The following HCN1 variants were observed in gnomAD, a reference collection of about 807,000 sequenced individuals.
HCN1 encodes the protein potassium/sodium hyperpolarization-activated cyclic nucleotide-gated channel 1.
A neutral mutation model predicts 78.9 loss-of-function variants in HCN1; 13 were observed. That is an observed-to-expected ratio of 0.16 (90% CI 0.11 to 0.26). HCN1 has a LOEUF of 0.26. HCN1 is among the 10% of genes least tolerant of loss of function. The pLI, the probability that HCN1 is intolerant of heterozygous loss-of-function variation, is 1.00. For missense variants in HCN1, 810 were observed against 1,154.3 expected (o/e 0.70, Z 4.32); for synonymous variants, 552 against 455.5 (o/e 1.21, Z -2.70).
intron 1 of HCN1, among the ~76,000 whole-genome samples, chr5:45,657,958 G>T (rs1345348946): frequency 2.0e-5 from 3 of 152,146 alleles, no homozygotes; most frequent in Non-Finnish European, 4.4e-5. Context: ...AAAGAACAAA[G>T]CCGGAGGCAT....
At chr5:45,336,574 G>A (rs1412574707) in intron 5 of HCN1, among the ~76,000 whole-genome samples, 1 of 152,008 alleles carries the variant, frequency 6.6e-6, no homozygotes, top group South Asian at 2.1e-4. Flanking sequence ...TTGGACAGGG[G>A]AACTTGAACA....
At chr5:45,305,055 G>T (rs1286658096) in intron 5 of HCN1, among the ~76,000 whole-genome samples, 2 of 152,132 alleles carry the variant, frequency 1.3e-5, no homozygotes, top group African/African-American at 2.4e-5. Context: ...CCCAAAAAAG[G>T]TTGGGACTGC....
intron 3 of HCN1, among the ~76,000 whole-genome samples, chr5:45,400,858 T>C (rs1287160411): frequency 6.6e-6 from 1 of 152,154 alleles, no homozygotes; most frequent in East Asian, 1.9e-4. Flanking sequence ...CACACACACA[T>C]GCACATACAC....
intron 5 of HCN1, among the ~76,000 whole-genome samples, chr5:45,346,352 G>A (rs1746707796): frequency 6.6e-6 from 1 of 152,216 alleles, no homozygotes; most frequent in African/African-American, 2.4e-5. Flanking sequence ...AGAGGGCAAA[G>A]AAGTGTAAGA....
At chr5:45,523,993 G>T (rs1346062757) in intron 2 of HCN1, among the ~76,000 whole-genome samples, 1 of 152,056 alleles carries the variant, frequency 6.6e-6, no homozygotes, top group Non-Finnish European at 1.5e-5. Flanking sequence ...TATGGTTTTA[G>T]GTCTAACATT....
intron 2 of HCN1, among the ~76,000 whole-genome samples, chr5:45,495,537 C>G (rs1464538137): frequency 6.6e-6 from 1 of 152,084 alleles, no homozygotes; most frequent in Non-Finnish European, 1.5e-5. Flanking sequence ...ACAATCACGT[C>G]GTCTGCAAAG....
At chr5:45,491,978 C>T (rs780208861) in intron 2 of HCN1, among the ~76,000 whole-genome samples, 1 of 152,040 alleles carries the variant, frequency 6.6e-6, no homozygotes, top group Non-Finnish European at 1.5e-5. Flanking sequence ...CATGGAAATA[C>T]ATAACCAAGT....
In HCN1 at chr5:45,294,662, G is replaced by T. The variant is rs538832672; in HGVS notation, c.1618+8937C>A. Among the ~76,000 whole-genome samples, 8 of 152,072 alleles carry T rather than the reference G, an allele frequency of 5.3e-5. No individual in the cohort carries two copies. The East Asian group carries it at 1.6e-3, about 30-fold the overall frequency. On this transcript the variant is annotated intron_variant, in intron 6 of 7. Coordinates refer to ENST00000303230, the MANE Select transcript of HCN1 (RefSeq NM_021072.4). ...GTATATTATTTGACATTTTAATATGGTTTGTTAATGGCATTTTACTTAGTG... is the reference window on the plus strand; with the variant it reads ...GTATATTATTTGACATTTTAATATGTTTTGTTAATGGCATTTTACTTAGTG...
At chr5:45,493,427 A>C (rs1741939931) in intron 2 of HCN1, among the ~76,000 whole-genome samples, 1 of 152,036 alleles carries the variant, frequency 6.6e-6, no homozygotes, top group African/African-American at 2.4e-5. Flanking sequence ...TAATAGTTTT[A>C]TATATTCCTT....
intron 5 of HCN1, among the ~76,000 whole-genome samples, chr5:45,339,549 T>G (rs1267283989): frequency 6.6e-6 from 1 of 152,110 alleles, no homozygotes; most frequent in Non-Finnish European, 1.5e-5. Flanking sequence ...TGAAGGAGTT[T>G]GGGTGTTTTC....
At chr5:45,356,908 G>A (rs977102523) in intron 4 of HCN1, among the ~76,000 whole-genome samples, 2 of 152,008 alleles carry the variant, frequency 1.3e-5, no homozygotes, top group African/African-American at 4.8e-5. Context: ...AATGGTGTGA[G>A]TATTTGATGA....
At chr5:45,345,991 G>A (rs1746695085) in intron 5 of HCN1, among the ~76,000 whole-genome samples, 1 of 152,228 alleles carries the variant, frequency 6.6e-6, no homozygotes, top group Non-Finnish European at 1.5e-5. Flanking sequence ...TGGCTGGGGA[G>A]GCCTCAAGAA....
intron 2 of HCN1, among the ~76,000 whole-genome samples, chr5:45,630,451 C>T (rs985741614): frequency 5.9e-5 from 9 of 152,152 alleles, no homozygotes; most frequent in African/African-American, 1.9e-4. Context: ...TTTTTAAGAG[C>T]TTAGAATAGC....
chr5:45,443,224 G>T (rs1446054586), intron 3 of HCN1, among the ~76,000 whole-genome samples: 3 of 152,026 alleles, frequency 2.0e-5, no homozygotes, highest in African/African-American at 7.2e-5. Context: ...CACTGGATTG[G>T]ACTGAACCTG....
chr5:45,367,816 A>AAACTTCACAGCAATAATTGAGAGCAGCTG (rs1747266608), intron 4 of HCN1, among the ~76,000 whole-genome samples: 1 of 151,982 alleles, frequency 6.6e-6, no homozygotes, highest in Non-Finnish European at 1.5e-5. Flanking sequence ...GTTTCCAGGT[A>AAACTTCACAGCAATAATTGAGAGCAGCTG]AACTTCACAG....
chr5:45,402,134 A>G (rs779567721), intron 3 of HCN1, among the ~76,000 whole-genome samples: 13 of 152,126 alleles, frequency 8.5e-5, no homozygotes, highest in Non-Finnish European at 1.8e-4. Flanking sequence ...ACAGGAGGGA[A>G]TGAGGAGCAT....
chr5:45,567,874 A>C (rs1163764476), intron 2 of HCN1, among the ~76,000 whole-genome samples: 1 of 149,050 alleles, frequency 6.7e-6, no homozygotes, highest in Admixed American at 6.8e-5. Flanking sequence ...TTGCTTGTAA[A>C]ATGCATAACA....
Position 45,645,619 on chromosome 5 carries a change from T to C in HCN1, c.426-11A>G, listed in dbSNP as rs1745533948. ...AAATCCCAGTAAAACCTACAACAAATAAAAAAATCAGATTTTAAGATATAG... is the reference window on the plus strand; with the variant it reads ...AAATCCCAGTAAAACCTACAACAAACAAAAAAATCAGATTTTAAGATATAG... On this transcript the variant is annotated splice_polypyrimidine_tract_variant and intron_variant, in intron 1 of 7. Coordinates refer to ENST00000303230, the MANE Select transcript of HCN1 (RefSeq NM_021072.4). The C allele has an allele frequency of 5.1e-6, 8 of 1,571,098 alleles. No individual in the cohort carries two copies. The highest frequency in any genetic ancestry group is 6.1e-6 in the Non-Finnish European group (7 of 1,155,086).
intron 5 of HCN1, among the ~76,000 whole-genome samples, chr5:45,341,958 G>C (rs1431424880): frequency 6.6e-6 from 1 of 151,998 alleles, no homozygotes; most frequent in Non-Finnish European, 1.5e-5. Flanking sequence ...ATTTGGCTCT[G>C]TTTGACTTAT....
Sources: allele counts gnomAD v4.1 joint callset (sites outside exome capture counted in the v4.1 genomes callset), GRCh38; gene constraint gnomAD v4.1.1; transcripts MANE v1.5; gene names NCBI Gene and HGNC (gene_info 2026-07-23, HGNC 2026-07-21).